UPF1: variants seen among roughly 807,000 people sequenced by gnomAD.
UPF1 encodes UPF1 RNA helicase and ATPase, also known as regulator of nonsense transcripts 1.
In UPF1, 9 loss-of-function variants were observed where a neutral mutation model predicts 129.2. The observed-to-expected ratio is 0.07, with a 90% CI of 0.04 to 0.12. The LOEUF is 0.12. Among genes scored for constraint, UPF1 ranks in the 10% least tolerant of loss-of-function variants. The pLI, the probability that UPF1 is intolerant of heterozygous loss-of-function variation, is 1.00. For synonymous variants in UPF1, 649 were observed against 644.9 expected (o/e 1.01, Z -0.10); for missense variants, 788 against 1,525.3 (o/e 0.52, Z 8.05).
chr19:18,858,709 G>C (rs1422747259), intron 15 of UPF1, among the ~76,000 whole-genome samples: 5 of 152,126 alleles, frequency 3.3e-5, no homozygotes, highest in African/African-American at 1.2e-4. Context: ...CCAGGGCCCA[G>C]CTGCCTCCGA....
At position 18,867,406 on chromosome 19, in the gene UPF1, G is replaced by A. The variant is rs1287114207; in HGVS notation, c.*889G>A. On this transcript the variant is annotated 3_prime_UTR_variant, in exon 24 of 24. Transcript: ENST00000262803. The stretch of plus-strand genomic sequence containing the variant: ...CCGCACCGGTGAGGAAGGTGCTTTT[G>A]GCCCCATTGCGAGGGGCCTTGGCCA... 1 of 152,308 alleles carries A rather than the reference G, an allele frequency of 6.6e-6. No homozygotes were observed. The highest frequency in any genetic ancestry group is 1.5e-5 in the Non-Finnish European group (1 of 68,078). The allele number at this position is 152,308 out of a possible 1,614,324, so 9.4% of individuals were successfully genotyped here.
Position 18,852,120 on chromosome 19 carries a change from G to A in UPF1, c.811-15G>A. On this transcript the variant is annotated splice_polypyrimidine_tract_variant and intron_variant, in intron 5 of 23. Transcript: ENST00000262803. ...AAAAACAGGACGAGTGTGGCGCGGT[G>A]TTGTTGTCTTCTAGGAAAACCCTTC... 2 of 1,598,790 alleles carry A rather than the reference G, an allele frequency of 1.3e-6. No individual in the cohort carries two copies. Among genetic ancestry groups the A allele is most frequent in the Non-Finnish European group, 1.7e-6 (2 of 1,172,700 alleles).
At chr19:18,849,954 G>C (rs899966180) in intron 3 of UPF1, 121 bp from the exon 4 acceptor site, 1 of 1,268,876 alleles carries the variant, frequency 7.9e-7, no homozygotes, top group Non-Finnish European at 1.1e-6. Context: ...GATGGATGAG[G>C]TGTGACTGCC....
At chr19:18,847,649 TA>T in intron 2 of UPF1, 94 bp from the exon 3 acceptor site, 1 of 1,233,856 alleles carries the variant, frequency 8.1e-7, no homozygotes. Flanking sequence ...ATGAAGAACT[TA>T]AAAATGTTGT....
At chr19:18,845,585 T>C (rs1413315138) in intron 1 of UPF1, among the ~76,000 whole-genome samples, 1 of 152,140 alleles carries the variant, frequency 6.6e-6, no homozygotes, top group Non-Finnish European at 1.5e-5. Flanking sequence ...TCGTAGTGTT[T>C]GATGAGCCTT....
chr19:18,844,904 G>A (rs1368451480), intron 1 of UPF1, among the ~76,000 whole-genome samples: 1 of 152,282 alleles, frequency 6.6e-6, no homozygotes, highest in East Asian at 1.9e-4. Context: ...TAACCCAGAA[G>A]TCAGCTTGTG....
chr19:18,846,136 T>A lies in UPF1; in HGVS notation c.371+17T>A, dbSNP rs1828949080. 9.9e-6 allele frequency: 16 copies of A among 1,613,452 alleles called. No homozygotes were observed. Among genetic ancestry groups the A allele is most frequent in the Non-Finnish European group, 1.2e-5 (14 of 1,179,808 alleles). On this transcript the variant is annotated intron_variant, in intron 2 of 23. Transcript: ENST00000262803. ...CGCCTGCAGGTGAGCTGAGCTCAGC[T>A]GGGCCTGGGCATGTGCTGGACAGGT...
At position 18,853,132 on chromosome 19, in the gene UPF1, A is replaced by G; in HGVS notation, c.1057+61A>G. The G allele has an allele frequency of 6.2e-7, 1 of 1,607,374 alleles. No individual in the cohort carries two copies. The highest frequency in any genetic ancestry group is 2.2e-5 in the East Asian group (1 of 44,800). On this transcript the variant is annotated intron_variant, in intron 7 of 23. Coordinates refer to ENST00000262803, the MANE Select transcript of UPF1 (RefSeq NM_002911.4). The surrounding 1 kb of genome is among the most constrained non-coding windows in gnomAD (Gnocchi z 4.4). The stretch of plus-strand genomic sequence containing the variant: ...GATTTTAAGTTTTAAAATATTTGTG[A>G]CCATAAGTAGCATAAATTCCTAGTT...
At chr19:18,844,412 C>G (rs369035216) in intron 1 of UPF1, among the ~76,000 whole-genome samples, 1 of 152,020 alleles carries the variant, frequency 6.6e-6, no homozygotes, top group African/African-American at 2.4e-5. Context: ...CAACCTGCGC[C>G]TCCTGGGTTC....
chr19:18,864,340 A>C (rs1601131601), intron 20 of UPF1, 89 bp downstream of exon 20: 2 of 1,244,578 alleles, frequency 1.6e-6, no homozygotes, highest in Non-Finnish European at 2.3e-6. Flanking sequence ...AGGTGCCCCC[A>C]TCTTTCCTTC....
chr19:18,832,964 C>T lies in UPF1; in HGVS notation c.231+524C>T, dbSNP rs1215347479. On this transcript the variant is annotated intron_variant, in intron 1 of 23. Coordinates refer to ENST00000262803, the MANE Select transcript of UPF1 (RefSeq NM_002911.4). The surrounding 1 kb of genome is among the most constrained non-coding windows in gnomAD (Gnocchi z 5.6). Reference sequence around the variant, plus strand: ...CCTCGAGTTCTCCTACGACCTGGGCCGGGTCTTGCTCAGGCCGGAGCTTGA... The same window carrying T: ...CCTCGAGTTCTCCTACGACCTGGGCTGGGTCTTGCTCAGGCCGGAGCTTGA... Among the ~76,000 whole-genome samples the T allele has an allele frequency of 1.3e-5, 2 of 152,140 alleles. No homozygotes were observed. The highest frequency in any genetic ancestry group is 4.8e-5 in the African/African-American group (2 of 41,436).
chr19:18,845,856 A>G (rs2055590931), intron 1 of UPF1, 124 bp from the exon 2 acceptor site: 11 of 1,394,044 alleles, frequency 7.9e-6, no homozygotes, highest in Non-Finnish European at 9.5e-6. Context: ...CAGTCAGAAC[A>G]AGGGAAACTG....
intron 1 of UPF1, among the ~76,000 whole-genome samples, chr19:18,841,440 A>G (rs1216107038): frequency 6.6e-6 from 1 of 152,150 alleles, no homozygotes; most frequent in African/African-American, 2.4e-5. Flanking sequence ...CAGCGTCAAC[A>G]ATGGCTTTTC....
rs762908196 is a variant in UPF1, at chr19:18,862,156, G to C, written c.2600+4G>C. On this transcript the variant is annotated splice_donor_region_variant and intron_variant, in intron 18 of 23. Transcript: ENST00000262803. ...ACGTGGCCCTGACCAGAGCAAGGTA[G>C]GGAGGCTGCCTGCTGCATGCTGCCC... The C allele has an allele frequency of 6.2e-7, 1 of 1,612,902 alleles. No homozygotes were observed. Among genetic ancestry groups the C allele is most frequent in the Non-Finnish European group, 8.5e-7 (1 of 1,179,432 alleles).
In UPF1 at chr19:18,855,079, C is replaced by G. The variant is rs756767949; in HGVS notation, c.1425+41C>G. On this transcript the variant is annotated intron_variant, in intron 10 of 23. Coordinates refer to ENST00000262803, the MANE Select transcript of UPF1 (RefSeq NM_002911.4). ...AGCGCGCGGGGCCTCGCCCATGGGC[C>G]GGGACGCAAGCGGAGGCTGCCCCTA... 1.5e-5 allele frequency: 25 copies of G among 1,613,024 alleles called. 1 individual carries two copies. Among genetic ancestry groups the G allele is most frequent in the Non-Finnish European group, 2.1e-5 (25 of 1,179,466 alleles).
chr19:18,866,284 G>C, intron 23 of UPF1, 118 bp downstream of exon 23: 2 of 1,404,120 alleles, frequency 1.4e-6, no homozygotes, highest in Non-Finnish European at 1.9e-6. Flanking sequence ...GCTGTGCCTG[G>C]TGGGGGTCAT....
chr19:18,843,810 A>G (rs2055568817), intron 1 of UPF1, among the ~76,000 whole-genome samples: 3 of 151,716 alleles, frequency 2.0e-5, no homozygotes, highest in Admixed American at 2.0e-4. Context: ...CAGTGGTACC[A>G]TCATAGCTCA....
At chr19:18,855,705 G>A in intron 11 of UPF1, 1 of 616,036 alleles carries the variant, frequency 1.6e-6, no homozygotes, top group East Asian at 3.0e-5. Context: ...GAAATTAGCT[G>A]GGGGTAGTGG....
intron 20 of UPF1, 102 bp downstream of exon 20, chr19:18,864,353 C>G: frequency 8.9e-7 from 1 of 1,119,536 alleles, no homozygotes; most frequent in East Asian, 2.5e-5. Flanking sequence ...TTTCCTTCCC[C>G]TCAAGGGCGG....
Sources: allele counts gnomAD v4.1 joint callset (sites outside exome capture counted in the v4.1 genomes callset), GRCh38; gene constraint gnomAD v4.1.1; non-coding constraint Gnocchi (gnomAD v3.1); transcripts MANE v1.5; gene names NCBI Gene and HGNC (gene_info 2026-07-23, HGNC 2026-07-21).